ARSB: variants seen among roughly 807,000 people sequenced by gnomAD.
ARSB encodes N-acetylgalactosamine-4-sulfatase.
A neutral mutation model predicts 50.9 loss-of-function variants in ARSB; 41 were observed. The observed-to-expected ratio is 0.81, with a 90% CI of 0.63 to 1.04. The LOEUF is 1.04. ARSB is among the 50% of genes least tolerant of loss of function. ARSB has a pLI of 0.00. For synonymous variants in ARSB, 269 were observed against 284.8 expected, an observed-to-expected ratio of 0.94 and a Z score of 0.56; for missense variants, 672 against 693.3, an observed-to-expected ratio of 0.97 and a Z score of 0.35.
At chr5:78,879,890 T>C (rs180819603) in intron 5 of ARSB, among the ~76,000 whole-genome samples, 27 of 152,290 alleles carry the variant, frequency 1.8e-4, no homozygotes, top group Admixed American at 1.4e-3. Context: ...AGAGCGGTTT[T>C]TTGCTTTCTA....
chr5:78,955,520 G>C lies in ARSB; in HGVS notation c.691-18C>G, dbSNP rs777613234. ...AACAGAGGCTGGAAAGAAAGTTTGT[G>C]CAAACCAGTTAAGAGGATATTGAAG... On this transcript the variant is annotated intron_variant, in intron 3 of 7. Coordinates refer to ENST00000264914, the MANE Select transcript of ARSB (RefSeq NM_000046.5). 1 of 1,604,588 alleles carries C rather than the reference G, an allele frequency of 6.2e-7. No individual in the cohort carries two copies. The highest frequency in any genetic ancestry group is 8.5e-7 in the Non-Finnish European group (1 of 1,171,688).
At chr5:78,803,160 A>C (rs903326382) in intron 6 of ARSB, among the ~76,000 whole-genome samples, 10 of 152,230 alleles carry the variant, frequency 6.6e-5, no homozygotes, top group Admixed American at 5.9e-4. Context: ...TGGGCCATGG[A>C]GAGAGTCAGT....
intron 7 of ARSB, 48 bp from the exon 8 acceptor site, chr5:78,780,710 G>GACTC (rs781048090): frequency 6.2e-7 from 1 of 1,609,250 alleles, no homozygotes; most frequent in Admixed American, 1.7e-5. Context: ...CACAGAGGCA[G>GACTC]GTTCTAATTT....
chr5:78,873,750 C>T (rs1747353376), intron 5 of ARSB, among the ~76,000 whole-genome samples: 1 of 151,972 alleles, frequency 6.6e-6, no homozygotes, highest in Admixed American at 6.6e-5. Flanking sequence ...CCGCCTCGGC[C>T]TCCCAAAGTG....
In ARSB at chr5:78,780,277, G is replaced by T. The variant is rs775428543; in HGVS notation, c.*120C>A. On this transcript the variant is annotated 3_prime_UTR_variant, in exon 8 of 8. Transcript: ENST00000264914. ...GGTTGAAATTAGACACCTCGGTGTG[G>T]TTTAAGAGCAAGAGAAGGGCCAAGT... 1.4e-6 allele frequency: 2 copies of T among 1,386,792 alleles called. No homozygotes were observed. Among genetic ancestry groups the T allele is most frequent in the Non-Finnish European group, 2.0e-6 (2 of 981,024 alleles). 85.9% of individuals were successfully genotyped at this position (1,386,792 alleles called of 1,614,324 possible). A position where few individuals can be genotyped will look rare whatever the true frequency, so the allele number is the denominator to read the frequency against.
chr5:78,978,171 T>G (rs1034823769), intron 1 of ARSB, among the ~76,000 whole-genome samples: 2 of 152,100 alleles, frequency 1.3e-5, no homozygotes, highest in African/African-American at 4.8e-5. Context: ...AAACCCCATC[T>G]CTATTAAAAA....
intron 4 of ARSB, among the ~76,000 whole-genome samples, chr5:78,939,451 G>A (rs1750792641): frequency 6.6e-6 from 1 of 151,712 alleles, no homozygotes; most frequent in African/African-American, 2.4e-5. Context: ...CCCCACAACA[G>A]GCCCCGGTGT....
intron 6 of ARSB, among the ~76,000 whole-genome samples, chr5:78,822,405 C>G (rs765783692): frequency 2.0e-5 from 3 of 152,120 alleles, no homozygotes; most frequent in Non-Finnish European, 4.4e-5. Context: ...AGTCCCTGAA[C>G]AGAGATTTTG....
At chr5:78,955,856 T>C (rs772288109) in intron 3 of ARSB, among the ~76,000 whole-genome samples, 3 of 152,232 alleles carry the variant, frequency 2.0e-5, no homozygotes, top group Non-Finnish European at 4.4e-5. Context: ...TCTGTTAGGA[T>C]GGTGATAATT....
chr5:78,829,695 A>G (rs1409176451), intron 6 of ARSB, among the ~76,000 whole-genome samples: 1 of 152,218 alleles, frequency 6.6e-6, no homozygotes, highest in African/African-American at 2.4e-5. Context: ...AAATGTTTTC[A>G]AAAGTTTTAT....
chr5:78,802,680 T>C (rs1309298595), intron 6 of ARSB, among the ~76,000 whole-genome samples: 1 of 152,136 alleles, frequency 6.6e-6, no homozygotes, highest in Non-Finnish European at 1.5e-5. Context: ...GAGATAATGA[T>C]TACAGAATGA....
chr5:78,899,384 C>T (rs1459428853), intron 4 of ARSB, among the ~76,000 whole-genome samples: 1 of 152,160 alleles, frequency 6.6e-6, no homozygotes, highest in Non-Finnish European at 1.5e-5. Flanking sequence ...CAGTTCTTAT[C>T]CTTTTGAATC....
intron 1 of ARSB, among the ~76,000 whole-genome samples, chr5:78,978,879 C>A (rs1752781324): frequency 6.6e-6 from 1 of 152,138 alleles, no homozygotes; most frequent in Admixed American, 6.5e-5. Context: ...CTATAAAATA[C>A]TATAAAACAT....
chr5:78,943,056 A>G (rs567592299), intron 4 of ARSB, among the ~76,000 whole-genome samples: 1 of 151,994 alleles, frequency 6.6e-6, no homozygotes, highest in African/African-American at 2.4e-5. Context: ...GTCTCCTTTG[A>G]TCTTTGTTGG....
intron 5 of ARSB, among the ~76,000 whole-genome samples, chr5:78,853,139 T>C (rs1482346974): frequency 6.6e-6 from 1 of 152,252 alleles, no homozygotes; most frequent in African/African-American, 2.4e-5. Flanking sequence ...CGCTCTGTTT[T>C]TAGAGTTTCC....
chr5:78,885,924 A>T, intron 4 of ARSB, 97 bp from the exon 5 acceptor site: 10 of 1,578,420 alleles, frequency 6.3e-6, no homozygotes, highest in Non-Finnish European at 7.8e-6. Flanking sequence ...ATGGTGCTTA[A>T]ATAATAAAAA....
chr5:78,888,576 G>T (rs116563720), intron 4 of ARSB, among the ~76,000 whole-genome samples: 5 of 152,338 alleles, frequency 3.3e-5, no homozygotes, highest in African/African-American at 1.2e-4. Context: ...GAGGTATTAT[G>T]TAGTGTCCTT....
chr5:78,865,056 G>A (rs1442849702), intron 5 of ARSB, among the ~76,000 whole-genome samples: 5 of 152,288 alleles, frequency 3.3e-5, no homozygotes, highest in African/African-American at 1.2e-4. Flanking sequence ...AAGCTGTCGT[G>A]GGTCTATCAT....
At chr5:78,939,931 T>C (rs1580094598) in intron 4 of ARSB, among the ~76,000 whole-genome samples, 2 of 152,226 alleles carry the variant, frequency 1.3e-5, no homozygotes, top group African/African-American at 4.8e-5. Context: ...CTCCACATCC[T>C]CTCCAGCACC....
Sources: allele counts gnomAD v4.1 joint callset (sites outside exome capture counted in the v4.1 genomes callset), GRCh38; gene constraint gnomAD v4.1.1; transcripts MANE v1.5; gene names NCBI Gene and HGNC (gene_info 2026-07-23, HGNC 2026-07-21).